PTPRM: variants seen among roughly 807,000 people sequenced by gnomAD.
The protein encoded by PTPRM is receptor-type tyrosine-protein phosphatase mu.
PTPRM carries 47 observed loss-of-function variants against 186.7 expected under a neutral mutation model. The observed-to-expected ratio is 0.25, with a 90% CI of 0.20 to 0.32. The LOEUF is 0.32. Ranked by LOEUF, PTPRM falls within the 10% of genes least tolerant of loss-of-function variation. PTPRM has a pLI of 1.00. For synonymous variants in PTPRM, 668 were observed against 674.9 expected (o/e 0.99, Z 0.16); for missense variants, 1,494 against 1,865.0 (o/e 0.80, Z 3.66).
chr18:7,933,428 A>G (rs1300783153), intron 5 of PTPRM, among the ~76,000 whole-genome samples: 1 of 151,034 alleles, frequency 6.6e-6, no homozygotes, highest in Admixed American at 6.6e-5. Context: ...GCCACAGTGC[A>G]TGGTAAGTGC....
rs191733802 is a variant in PTPRM at position 8,392,050 on chromosome 18, C to T, written c.4209-2426C>T. Among the ~76,000 whole-genome samples, 3 of 152,110 alleles carry T rather than the reference C, an allele frequency of 2.0e-5. No homozygotes were observed. In the East Asian group the frequency reaches 5.8e-4, roughly 29 times the overall value. On this transcript the variant is annotated intron_variant, in intron 31 of 32. Coordinates refer to ENST00000580170, the MANE Select transcript of PTPRM (RefSeq NM_001105244.2). Reference sequence around the variant, plus strand: ...CAGGACACAGATGAACTTGTTTCCTCAACAAATAAATTCTCAAGAAAAAAG... The same window carrying T: ...CAGGACACAGATGAACTTGTTTCCTTAACAAATAAATTCTCAAGAAAAAAG...
chr18:8,250,618 AAAT>A (rs935977146), intron 17 of PTPRM, among the ~76,000 whole-genome samples: 8 of 151,464 alleles, frequency 5.3e-5, no homozygotes, highest in African/African-American at 1.2e-4. Flanking sequence ...CCATCTCTTC[AAAT>A]AATAATAATA....
intron 23 of PTPRM, among the ~76,000 whole-genome samples, chr18:8,350,100 G>GTC (rs1332499871): frequency 2.0e-5 from 3 of 152,232 alleles, no homozygotes; most frequent in Non-Finnish European, 2.9e-5. Flanking sequence ...ACAGCTCTGA[G>GTC]TCACAACCCA....
In PTPRM at chr18:7,718,862, T is replaced by C. The variant is rs74850978; in HGVS notation, c.74-55287T>C. Among the ~76,000 whole-genome samples the C allele has an allele frequency of 2.1e-3, 312 of 152,028 alleles. 1 individual carries two copies. The highest frequency in any genetic ancestry group is 0.017 in the East Asian group (90 of 5,174). On this transcript the variant is annotated intron_variant, in intron 1 of 32. Coordinates refer to ENST00000580170, the MANE Select transcript of PTPRM (RefSeq NM_001105244.2). ...TGCAAATTAAAACCATAATGAGATA[T>C]AAGAATGGCCATAATTTAAAAAATT...
At position 8,226,882 on chromosome 18, in the gene PTPRM, C is replaced by T. The variant is rs553024123; in HGVS notation, c.2301-17176C>T. ...CTTTTTTCCACTTCTGGAGACTACC[C>T]GCATTCCTTGGCTTGTGGCCCCTTC... is the stretch of plus-strand genomic sequence containing the variant. On this transcript the variant is annotated intron_variant, in intron 14 of 32. Coordinates refer to ENST00000580170, the MANE Select transcript of PTPRM (RefSeq NM_001105244.2). 9.9e-5 allele frequency among the ~76,000 whole-genome samples: 15 copies of T among 152,220 alleles called. No homozygotes were observed. The East Asian group carries it at 1.2e-3, about 12-fold the overall frequency.
intron 14 of PTPRM, among the ~76,000 whole-genome samples, chr18:8,144,660 A>C (rs2092839510): frequency 6.6e-6 from 1 of 152,192 alleles, no homozygotes; most frequent in African/African-American, 2.4e-5. Flanking sequence ...TGGGGGAGAG[A>C]AAAACAGATA....
intron 23 of PTPRM, among the ~76,000 whole-genome samples, chr18:8,348,486 C>T (rs1189037663): frequency 6.6e-6 from 1 of 152,222 alleles, no homozygotes; most frequent in Non-Finnish European, 1.5e-5. Context: ...AGACCCTTGT[C>T]AGTTTTCCTG....
chr18:7,618,239 A>G (rs1197679356), intron 1 of PTPRM, among the ~76,000 whole-genome samples: 4 of 152,218 alleles, frequency 2.6e-5, no homozygotes, highest in Non-Finnish European at 2.9e-5. Context: ...ACACTAAGAT[A>G]AAGAAAATGT....
chr18:7,671,300 C>T (rs935139216), intron 1 of PTPRM, among the ~76,000 whole-genome samples: 5 of 152,164 alleles, frequency 3.3e-5, no homozygotes, highest in South Asian at 2.1e-4. Context: ...GAATATTGCT[C>T]CAGTCTCTGA....
At chr18:7,868,502 G>C (rs1039998882) in intron 2 of PTPRM, among the ~76,000 whole-genome samples, 3 of 152,190 alleles carry the variant, frequency 2.0e-5, no homozygotes, top group African/African-American at 4.8e-5. Flanking sequence ...TTTGGACTCT[G>C]TTTGCCTGGG....
chr18:7,723,753 C>T (rs1412328617), intron 1 of PTPRM, among the ~76,000 whole-genome samples: 8 of 152,178 alleles, frequency 5.3e-5, no homozygotes, highest in African/African-American at 1.7e-4. Context: ...CGTTTCCCTT[C>T]GGGATTCTGA....
intron 7 of PTPRM, among the ~76,000 whole-genome samples, chr18:7,972,710 T>TTAA (rs2147324965): frequency 6.6e-6 from 1 of 152,240 alleles, no homozygotes; most frequent in Admixed American, 6.5e-5. Flanking sequence ...TTATATCTTG[T>TTAA]TAATGGCCTT....
At chr18:8,304,440 C>A (rs187764180) in intron 20 of PTPRM, among the ~76,000 whole-genome samples, 131 of 152,140 alleles carry the variant, frequency 8.6e-4, no homozygotes, top group African/African-American at 2.9e-3. Flanking sequence ...TCTTTATGTG[C>A]CTGTTTCTTA....
chr18:7,837,398 A>C (rs2145795365), intron 2 of PTPRM, among the ~76,000 whole-genome samples: 1 of 152,298 alleles, frequency 6.6e-6, no homozygotes, highest in East Asian at 1.9e-4. Context: ...TTTGTCTGAT[A>C]GAATTCTGAA....
intron 15 of PTPRM, among the ~76,000 whole-genome samples, 189 bp downstream of exon 15, chr18:8,244,398 G>T (rs1407055587): frequency 6.6e-6 from 1 of 152,060 alleles, no homozygotes; most frequent in Non-Finnish European, 1.5e-5. Flanking sequence ...AAGGTGATAG[G>T]ACCAGATCAG....
chr18:7,701,430 C>G (rs187260539), intron 1 of PTPRM, among the ~76,000 whole-genome samples: 301 of 149,656 alleles, frequency 2.0e-3, no homozygotes, highest in African/African-American at 6.9e-3. Context: ...GAAACCCCAT[C>G]TCTACTAAAA....
At chr18:8,089,282 T>C (rs1211448176) in intron 11 of PTPRM, among the ~76,000 whole-genome samples, 1 of 152,182 alleles carries the variant, frequency 6.6e-6, no homozygotes, top group African/African-American at 2.4e-5. Flanking sequence ...GGCTAATTTC[T>C]CAATAAAATA....
At chr18:7,868,494 T>G (rs1567942746) in intron 2 of PTPRM, among the ~76,000 whole-genome samples, 1 of 152,214 alleles carries the variant, frequency 6.6e-6, no homozygotes, top group African/African-American at 2.4e-5. Flanking sequence ...AGGTCCACTT[T>G]GGACTCTGTT....
intron 5 of PTPRM, among the ~76,000 whole-genome samples, chr18:7,943,650 AT>A (rs2052338714): frequency 6.6e-6 from 1 of 152,130 alleles, no homozygotes; most frequent in Non-Finnish European, 1.5e-5. Context: ...TCTGGGAAGA[AT>A]CTGGTCCTTG....
Sources: allele counts gnomAD v4.1 joint callset (sites outside exome capture counted in the v4.1 genomes callset), GRCh38; gene constraint gnomAD v4.1.1; transcripts MANE v1.5; gene names NCBI Gene and HGNC (gene_info 2026-07-23, HGNC 2026-07-21).